KCND2: variants seen among roughly 807,000 people sequenced by gnomAD.
KCND2 encodes the protein potassium voltage-gated channel subfamily D member 2, also known as A-type voltage-gated potassium channel KCND2.
Under a neutral mutation model 54.4 loss-of-function variants are expected in KCND2, and 16 were observed. The ratio of observed to expected loss-of-function variants is 0.29; its 90% CI spans 0.20 to 0.45. KCND2 has a LOEUF of 0.45. Among genes scored for constraint, KCND2 ranks in the 20% least tolerant of loss-of-function variants. KCND2 has a pLI of 1.00. For synonymous variants in KCND2, 317 were observed against 310.7 expected (o/e 1.02, Z -0.21); for missense variants, 486 against 824.2 (o/e 0.59, Z 5.02).
intron 1 of KCND2, among the ~76,000 whole-genome samples, chr7:120,393,401 C>G (rs1801106445): frequency 6.6e-6 from 1 of 152,002 alleles, no homozygotes; most frequent in Non-Finnish European, 1.5e-5. Flanking sequence ...AACTCTTAAA[C>G]TTAGATACCT....
chr7:120,413,557 C>G (rs1801480747), intron 1 of KCND2, among the ~76,000 whole-genome samples: 1 of 151,804 alleles, frequency 6.6e-6, no homozygotes, highest in South Asian at 2.1e-4. Flanking sequence ...AGAATAATCT[C>G]AAACTTTTCA....
At chr7:120,485,533 A>G (rs1210016183) in intron 1 of KCND2, among the ~76,000 whole-genome samples, 1 of 152,144 alleles carries the variant, frequency 6.6e-6, no homozygotes. Flanking sequence ...CTCAGACCAA[A>G]AGGTGACCTC....
chr7:120,718,633 G>T (rs924266429), intron 1 of KCND2, among the ~76,000 whole-genome samples: 1 of 152,094 alleles, frequency 6.6e-6, no homozygotes. Flanking sequence ...TTTACCAAAA[G>T]AGTGCTCTAA....
chr7:120,333,803 A>G (rs570287429), intron 1 of KCND2, among the ~76,000 whole-genome samples: 2 of 152,140 alleles, frequency 1.3e-5, no homozygotes, highest in Non-Finnish European at 2.9e-5. Flanking sequence ...AAAATAAATT[A>G]TGGTTGCTCA....
intron 1 of KCND2, among the ~76,000 whole-genome samples, chr7:120,519,483 G>A (rs1249876974): frequency 6.6e-6 from 1 of 152,152 alleles, no homozygotes; most frequent in South Asian, 2.1e-4. Flanking sequence ...CTGAGCTTGG[G>A]AGCAGATTCT....
chr7:120,461,273 C>A (rs2116239276), intron 1 of KCND2, among the ~76,000 whole-genome samples: 1 of 152,318 alleles, frequency 6.6e-6, no homozygotes, highest in South Asian at 2.1e-4. Flanking sequence ...CCACTGAGAT[C>A]ACTCTGATTC....
At chr7:120,459,387 T>C (rs943154567) in intron 1 of KCND2, among the ~76,000 whole-genome samples, 10 of 152,220 alleles carry the variant, frequency 6.6e-5, no homozygotes, top group African/African-American at 2.2e-4. Flanking sequence ...ATTACACTTT[T>C]TTAGTGAGCC....
intron 1 of KCND2, among the ~76,000 whole-genome samples, chr7:120,541,848 C>A (rs1236066371): frequency 7.9e-5 from 12 of 152,088 alleles, no homozygotes; most frequent in Admixed American, 3.3e-4. Flanking sequence ...TTTGTAGACA[C>A]CCAGGGCAAT....
intron 1 of KCND2, among the ~76,000 whole-genome samples, chr7:120,606,521 A>C (rs1292860369): frequency 6.6e-6 from 1 of 152,010 alleles, no homozygotes; most frequent in African/African-American, 2.4e-5. Flanking sequence ...AGTCACATTT[A>C]GGTATTTGAT....
intron 1 of KCND2, among the ~76,000 whole-genome samples, chr7:120,452,878 C>T (rs1449298507): frequency 6.6e-6 from 1 of 152,132 alleles, no homozygotes; most frequent in Admixed American, 6.5e-5. Flanking sequence ...CGGTCATGCC[C>T]CTGAGATGGA....
At position 120,403,252 on chromosome 7, in the gene KCND2, G is replaced by A. The variant is rs564896789; in HGVS notation, c.1115+127505G>A. 3.9e-5 allele frequency among the ~76,000 whole-genome samples: 6 copies of A among 151,908 alleles called. No homozygotes were observed. The East Asian group carries it at 1.2e-3, about 29-fold the overall frequency. Reference sequence around the variant, plus strand: ...TTCTCCCTCTGCCAGCTAAGAAGATGTCTGAAGAGATGGCAGCTACAGATT... The same window carrying A: ...TTCTCCCTCTGCCAGCTAAGAAGATATCTGAAGAGATGGCAGCTACAGATT... On this transcript the variant is annotated intron_variant, in intron 1 of 5. Coordinates refer to ENST00000331113, the MANE Select transcript of KCND2 (RefSeq NM_012281.3).
At chr7:120,640,073 T>C (rs920386682) in intron 1 of KCND2, among the ~76,000 whole-genome samples, 4 of 152,206 alleles carry the variant, frequency 2.6e-5, no homozygotes, top group Non-Finnish European at 5.9e-5. Flanking sequence ...CTTTCAAATA[T>C]TGATTATTCA....
At chr7:120,552,070 A>C (rs951072235) in intron 1 of KCND2, among the ~76,000 whole-genome samples, 14 of 152,228 alleles carry the variant, frequency 9.2e-5, no homozygotes, top group Non-Finnish European at 1.5e-5. Flanking sequence ...ATTGCAATAA[A>C]TGTCTTCCCC....
chr7:120,548,203 T>C (rs1427180132), intron 1 of KCND2, among the ~76,000 whole-genome samples: 1 of 152,068 alleles, frequency 6.6e-6, no homozygotes, highest in Non-Finnish European at 1.5e-5. Context: ...TCAGGAGCCA[T>C]AGGAAAAATC....
At chr7:120,366,499 A>AAGGG (rs1276581215) in intron 1 of KCND2, among the ~76,000 whole-genome samples, 7 of 150,748 alleles carry the variant, frequency 4.6e-5, no homozygotes, top group East Asian at 3.9e-4. Context: ...AAAAAAAAAA[A>AAGGG]AGGGAGGGAG....
At chr7:120,477,384 G>T (rs1802547829) in intron 1 of KCND2, among the ~76,000 whole-genome samples, 1 of 152,160 alleles carries the variant, frequency 6.6e-6, no homozygotes, top group African/African-American at 2.4e-5. Context: ...ATGGGGAGGA[G>T]ACAAGAGGCT....
chr7:120,708,330 G>A (rs1344987799), intron 1 of KCND2, among the ~76,000 whole-genome samples: 4 of 152,100 alleles, frequency 2.6e-5, no homozygotes, highest in East Asian at 1.9e-4. Flanking sequence ...AGGTGTGCAT[G>A]AGAAGAGCTG....
chr7:120,413,527 A>G (rs765935321), intron 1 of KCND2, among the ~76,000 whole-genome samples: 11 of 152,026 alleles, frequency 7.2e-5, no homozygotes, highest in Admixed American at 3.3e-4. Flanking sequence ...TTATGTATAC[A>G]CATACATAAA....
chr7:120,409,414 ATC>A (rs369800362), intron 1 of KCND2, among the ~76,000 whole-genome samples: 114 of 152,108 alleles, frequency 7.5e-4, no homozygotes, highest in African/African-American at 2.6e-3. Context: ...TTCATAAAAT[ATC>A]TGTTTGAGAT....
Sources: allele counts gnomAD v4.1 joint callset (sites outside exome capture counted in the v4.1 genomes callset), GRCh38; gene constraint gnomAD v4.1.1; transcripts MANE v1.5; gene names NCBI Gene and HGNC (gene_info 2026-07-23, HGNC 2026-07-21).